CARMIL1: variants seen among roughly 807,000 people sequenced by gnomAD.
The protein encoded by CARMIL1 is F-actin-uncapping protein LRRC16A.
CARMIL1 carries 90 observed loss-of-function variants against 177.1 expected under a neutral mutation model. The observed-to-expected ratio is 0.51, with a 90% confidence interval of 0.43 to 0.61. The LOEUF is 0.61. CARMIL1 is among the 20% of genes least tolerant of loss of function. CARMIL1 has a pLI of 0.00. For missense variants in CARMIL1, 1,380 were observed against 1,667.0 expected, an observed-to-expected ratio of 0.83 and a Z score of 3.00; for synonymous variants, 577 against 606.2, an observed-to-expected ratio of 0.95 and a Z score of 0.71.
chr6:25,384,508 G>C (rs768826514), intron 2 of CARMIL1, among the ~76,000 whole-genome samples: 1 of 152,224 alleles, frequency 6.6e-6, no homozygotes, highest in African/African-American at 2.4e-5. Flanking sequence ...TCGTGTGTCC[G>C]TTGGGTGATG....
intron 2 of CARMIL1, among the ~76,000 whole-genome samples, chr6:25,402,966 A>G (rs1794014966): frequency 6.6e-6 from 1 of 152,206 alleles, no homozygotes; most frequent in African/African-American, 2.4e-5. Flanking sequence ...GCACAACTCC[A>G]GAAGATCATT....
intron 26 of CARMIL1, among the ~76,000 whole-genome samples, chr6:25,541,755 GC>G (rs1808925628): frequency 6.6e-6 from 1 of 152,156 alleles, no homozygotes; most frequent in African/African-American, 2.4e-5. Flanking sequence ...CTGGGTTCAA[GC>G]TATTCTCCTG....
At chr6:25,414,865 A>T (rs556464469) in intron 2 of CARMIL1, among the ~76,000 whole-genome samples, 1 of 152,160 alleles carries the variant, frequency 6.6e-6, no homozygotes, top group Non-Finnish European at 1.5e-5. Context: ...TTTGTAGCTT[A>T]TCAGTCTTCC....
At chr6:25,574,209 CG>C (rs1459870494) in intron 29 of CARMIL1, among the ~76,000 whole-genome samples, 1 of 152,172 alleles carries the variant, frequency 6.6e-6, no homozygotes, top group East Asian at 1.9e-4. Context: ...TCCAGATAAT[CG>C]GTCAATACCA....
chr6:25,450,017 G>C lies in CARMIL1; in HGVS notation c.469+22G>C, dbSNP rs571333325. The C allele has an allele frequency of 2.6e-5, 40 of 1,567,280 alleles. No individual in the cohort carries two copies. In the South Asian group the frequency reaches 3.5e-4, roughly 14 times the overall value. ...TGTGGTGAGCATGCATTTTAAAACTGAAATGTGAATAGCTGGATGGATATC... is the reference window on the plus strand; with the variant it reads ...TGTGGTGAGCATGCATTTTAAAACTCAAATGTGAATAGCTGGATGGATATC... On this transcript the variant is annotated intron_variant, in intron 6 of 36. Coordinates refer to ENST00000329474, the MANE Select transcript of CARMIL1 (RefSeq NM_017640.6).
At chr6:25,475,792 G>T (rs917214268) in intron 11 of CARMIL1, among the ~76,000 whole-genome samples, 1 of 152,220 alleles carries the variant, frequency 6.6e-6, no homozygotes, top group Admixed American at 6.5e-5. Flanking sequence ...TCCGCTTCAT[G>T]TTCTCTGAGG....
intron 9 of CARMIL1, among the ~76,000 whole-genome samples, chr6:25,470,203 A>G (rs1800978671): frequency 6.6e-6 from 1 of 151,602 alleles, no homozygotes; most frequent in African/African-American, 2.4e-5. Context: ...ATGCTCCAGT[A>G]GGAACATCCT....
chr6:25,308,675 C>T (rs756348253), intron 2 of CARMIL1, among the ~76,000 whole-genome samples: 4 of 113,754 alleles, frequency 3.5e-5, no homozygotes, highest in South Asian at 2.8e-4. Context: ...GCCACTGTTC[C>T]GGCCATTTTT....
At chr6:25,557,750 G>C (rs1483967533) in intron 29 of CARMIL1, among the ~76,000 whole-genome samples, 12 of 152,148 alleles carry the variant, frequency 7.9e-5, no homozygotes, top group Admixed American at 7.9e-4. Context: ...TGAACACCAA[G>C]GATCTGATAT....
At chr6:25,537,475 A>G (rs1242900896) in intron 24 of CARMIL1, among the ~76,000 whole-genome samples, 3 of 152,148 alleles carry the variant, frequency 2.0e-5, no homozygotes, top group Admixed American at 6.5e-5. Flanking sequence ...CTCTATGTCT[A>G]ACACATAGAG....
intron 29 of CARMIL1, among the ~76,000 whole-genome samples, chr6:25,578,636 C>T (rs1812820117): frequency 6.6e-6 from 1 of 151,878 alleles, no homozygotes; most frequent in South Asian, 2.1e-4. Flanking sequence ...ACTTAAATCC[C>T]ATGAAGGAAA....
intron 29 of CARMIL1, among the ~76,000 whole-genome samples, chr6:25,579,038 A>T (rs1812871010): frequency 6.6e-6 from 1 of 151,764 alleles, no homozygotes; most frequent in South Asian, 2.1e-4. Flanking sequence ...ACAGATGGAC[A>T]TGAGTTTGCA....
chr6:25,300,238 G>A (rs757592468), intron 2 of CARMIL1, among the ~76,000 whole-genome samples: 2 of 152,178 alleles, frequency 1.3e-5, no homozygotes, highest in Non-Finnish European at 2.9e-5. Flanking sequence ...AACCAAATCT[G>A]TATGTAACAA....
At chr6:25,472,303 T>C in intron 10 of CARMIL1, 124 bp from the exon 11 acceptor site, 1 of 657,114 alleles carries the variant, frequency 1.5e-6, no homozygotes, top group Non-Finnish European at 2.7e-6. Context: ...AAATATATGC[T>C]ATATAGACTA....
intron 2 of CARMIL1, among the ~76,000 whole-genome samples, chr6:25,361,225 G>A (rs1380195586): frequency 6.6e-6 from 1 of 151,812 alleles, no homozygotes; most frequent in Non-Finnish European, 1.5e-5. Context: ...TTTAAAACTG[G>A]CAACATTTTG....
At position 25,554,871 on chromosome 6, in the gene CARMIL1, G is replaced by C. The variant is rs111907592; in HGVS notation, c.2592+775G>C. On this transcript the variant is annotated intron_variant, in intron 28 of 36. Transcript: ENST00000329474. The surrounding 1 kb of genome is among the most constrained non-coding windows in gnomAD (Gnocchi z 4.6). ...ACCAGTTTTATGGCATTGAATTGTTGGGTGACCCTAGAGAATCCTAAAATG... is the reference window on the plus strand; with the variant it reads ...ACCAGTTTTATGGCATTGAATTGTTCGGTGACCCTAGAGAATCCTAAAATG... Among the ~76,000 whole-genome samples, 5 of 152,244 alleles carry C rather than the reference G, an allele frequency of 3.3e-5. No individual in the cohort carries two copies. The highest frequency in any genetic ancestry group is 9.6e-5 in the African/African-American group (4 of 41,544).
intron 17 of CARMIL1, among the ~76,000 whole-genome samples, chr6:25,500,764 T>C (rs926591251): frequency 6.6e-6 from 1 of 151,654 alleles, no homozygotes; most frequent in Non-Finnish European, 1.5e-5. Flanking sequence ...TATATTTATA[T>C]ATTTTTTTTT....
chr6:25,394,857 A>G (rs999774957), intron 2 of CARMIL1, among the ~76,000 whole-genome samples: 1 of 152,248 alleles, frequency 6.6e-6, no homozygotes, highest in African/African-American at 2.4e-5. Context: ...GAAATGTCTT[A>G]CTGTTTATAA....
intron 35 of CARMIL1, among the ~76,000 whole-genome samples, chr6:25,609,642 A>G (rs1816338033): frequency 6.6e-6 from 1 of 152,208 alleles, no homozygotes; most frequent in African/African-American, 2.4e-5. Context: ...ATACACATAC[A>G]CACATATGTA....
Sources: gnomAD v4.1 joint callset for allele counts (sites outside exome capture counted in the v4.1 genomes callset) on GRCh38, gnomAD v4.1.1 for gene constraint, Gnocchi (gnomAD v3.1) non-coding constraint, MANE v1.5 for transcripts, NCBI Gene and HGNC (gene_info 2026-07-23, HGNC 2026-07-21) for gene names.